Variants in PTPRD observed in about 807,000 individuals in gnomAD.
The protein encoded by PTPRD is receptor-type tyrosine-protein phosphatase delta.
PTPRD carries 34 observed loss-of-function variants against 214.5 expected under a neutral mutation model. The observed-to-expected ratio is 0.16, with a 90% CI of 0.12 to 0.21. The LOEUF is 0.21. Among genes scored for constraint, PTPRD ranks in the 10% least tolerant of loss-of-function variants. The pLI, the probability that PTPRD is intolerant of heterozygous loss-of-function variation, is 1.00. For missense variants in PTPRD, 2,545 were observed against 2,398.7 expected (o/e 1.06, Z -1.27); for synonymous variants, 1,128 against 845.7 (o/e 1.33, Z -5.79).
At chr9:9,213,332 A>T (rs762550718) in intron 9 of PTPRD, among the ~76,000 whole-genome samples, 5 of 152,152 alleles carry the variant, frequency 3.3e-5, no homozygotes, top group Non-Finnish European at 7.4e-5. Context: ...ACAACAGGAA[A>T]GGTTTTTCCA....
At chr9:9,584,571 G>C (rs1049787915) in intron 7 of PTPRD, among the ~76,000 whole-genome samples, 1 of 151,754 alleles carries the variant, frequency 6.6e-6, no homozygotes, top group Non-Finnish European at 1.5e-5. Flanking sequence ...GTGTATGAAC[G>C]TTATCCATGA....
intron 31 of PTPRD, among the ~76,000 whole-genome samples, chr9:8,467,569 G>C (rs1268643322): frequency 6.6e-6 from 1 of 151,602 alleles, no homozygotes; most frequent in Non-Finnish European, 1.5e-5. Flanking sequence ...CTCAATTACT[G>C]AAATAAAATG....
At chr9:8,849,429 T>A (rs981255002) in intron 11 of PTPRD, among the ~76,000 whole-genome samples, 1 of 152,110 alleles carries the variant, frequency 6.6e-6, no homozygotes, top group Non-Finnish European at 1.5e-5. Flanking sequence ...GGTTTCACCA[T>A]GTTAGCCAGA....
rs879881642 is a variant in PTPRD at position 10,418,498 on chromosome 9, C to CACAT, written c.-599-77482_-599-77481insATGT. ...ACACACACACACACACACACACACA[C>CACAT]TTCATATCCTTCCTTCTGCTGTAAT... On this transcript the variant is annotated intron_variant, in intron 2 of 45. Transcript: ENST00000381196. Among the ~76,000 whole-genome samples the CACAT allele has an allele frequency of 8.9e-3, 1,264 of 141,602 alleles. 32 individuals are homozygous for CACAT. Among genetic ancestry groups the CACAT allele is most frequent in the African/African-American group, 0.028 (1,051 of 38,044 alleles). The allele number at this position is 141,602 out of a possible 152,430, so 92.9% of individuals were successfully genotyped here.
At chr9:9,372,349 T>A (rs908640574) in intron 9 of PTPRD, among the ~76,000 whole-genome samples, 2 of 152,202 alleles carry the variant, frequency 1.3e-5, no homozygotes, top group African/African-American at 4.8e-5. Flanking sequence ...GTTGAATTGA[T>A]CCCTTTACAA....
chr9:10,043,889 T>C (rs1267061172), intron 3 of PTPRD, among the ~76,000 whole-genome samples: 1 of 151,832 alleles, frequency 6.6e-6, no homozygotes, highest in African/African-American at 2.4e-5. Context: ...CCAAAACAAG[T>C]ATTTTGATCA....
intron 6 of PTPRD, among the ~76,000 whole-genome samples, chr9:9,761,597 A>G (rs1326122117): frequency 2.0e-5 from 3 of 152,176 alleles, no homozygotes; most frequent in Non-Finnish European, 4.4e-5. Context: ...TCTCAATTTC[A>G]ATATGCTGGT....
At chr9:10,143,202 C>T (rs1422878601) in intron 3 of PTPRD, among the ~76,000 whole-genome samples, 16 of 151,808 alleles carry the variant, frequency 1.1e-4, no homozygotes, top group South Asian at 4.2e-4. Context: ...TGCAGCGCAC[C>T]GGCATGGCAC....
Position 9,346,097 on chromosome 9 carries a change from C to A in PTPRD, c.-203+51352G>T, listed in dbSNP as rs565240403. 7.1e-4 allele frequency among the ~76,000 whole-genome samples: 108 copies of A among 152,230 alleles called. 1 individual carries two copies. Among genetic ancestry groups the A allele is most frequent in the Middle Eastern group, 3.4e-3 (1 of 294 alleles). On this transcript the variant is annotated intron_variant, in intron 9 of 45. Coordinates refer to ENST00000381196, the MANE Select transcript of PTPRD (RefSeq NM_002839.4). The stretch of plus-strand genomic sequence containing the variant: ...CACGTAGTGCTGTGGAAGTCTCTCA[C>A]ACCCCAGAGCATAAATAGAAGACAA...
intron 5 of PTPRD, among the ~76,000 whole-genome samples, chr9:9,837,336 C>A (rs1402602165): frequency 1.3e-5 from 2 of 152,112 alleles, no homozygotes; most frequent in Non-Finnish European, 2.9e-5. Context: ...CAATATCTAA[C>A]ACAGGAGCAG....
chr9:8,713,462 T>A, intron 12 of PTPRD: 1 of 1,119,458 alleles, frequency 8.9e-7, no homozygotes. Context: ...GTATCTCAGT[T>A]AAAGAAAATG....
At chr9:9,487,543 C>T (rs2147451417) in intron 8 of PTPRD, among the ~76,000 whole-genome samples, 1 of 144,632 alleles carries the variant, frequency 6.9e-6, no homozygotes, top group East Asian at 2.1e-4. Context: ...GTCTTTATAG[C>T]AGCATGATTC....
chr9:8,529,301 T>C (rs1450632973), intron 14 of PTPRD, among the ~76,000 whole-genome samples: 1 of 152,058 alleles, frequency 6.6e-6, no homozygotes, highest in Non-Finnish European at 1.5e-5. Context: ...CGCTATCTGT[T>C]TCAAAGCTGG....
chr9:9,299,095 G>C (rs1045619679), intron 9 of PTPRD, among the ~76,000 whole-genome samples: 1 of 151,706 alleles, frequency 6.6e-6, no homozygotes, highest in Admixed American at 6.6e-5. Context: ...ATTATGGATG[G>C]TAAGAAAAAC....
chr9:8,374,933 C>T (rs887516727), intron 39 of PTPRD, among the ~76,000 whole-genome samples: 8 of 151,776 alleles, frequency 5.3e-5, no homozygotes, highest in African/African-American at 1.9e-4. Flanking sequence ...CTAGGGTCTA[C>T]TGTATTATAT....
intron 3 of PTPRD, among the ~76,000 whole-genome samples, chr9:10,305,383 C>CAAAAAAAAAA (rs532681794): frequency 1.3e-5 from 1 of 75,880 alleles, no homozygotes; most frequent in African/African-American, 4.1e-5. Context: ...AAAGCAATGG[C>CAAAAAAAAAA]AAAAAAAAAA....
Position 10,106,659 on chromosome 9 carries a change from A to G in PTPRD, c.-544-72869T>C, listed in dbSNP as rs1029660175. Among the ~76,000 whole-genome samples, 3 of 151,926 alleles carry G rather than the reference A, an allele frequency of 2.0e-5. 1 individual carries two copies. The highest frequency in any genetic ancestry group is 4.4e-5 in the Non-Finnish European group (3 of 67,916). On this transcript the variant is annotated intron_variant, in intron 3 of 45. Transcript: ENST00000381196. ...ATAGAATCAACATCATCAGAAGAAT[A>G]GTGACAAGAAATGTTGAGATGTATT...
intron 5 of PTPRD, among the ~76,000 whole-genome samples, chr9:9,916,396 A>C (rs1410947550): frequency 1.3e-5 from 2 of 152,018 alleles, no homozygotes; most frequent in African/African-American, 4.8e-5. Context: ...GGGTATATAA[A>C]ACAACAAGAA....
rs970745686 is a variant in PTPRD, at chr9:10,523,701, G to C, written c.-600+88697C>G. On this transcript the variant is annotated intron_variant, in intron 2 of 45. Transcript: ENST00000381196. ...GAGAGAAAGCGGCTCTAATATGTTT[G>C]TTTACAGGTGAAATTTTACATAAAT... is the stretch of plus-strand genomic sequence containing the variant. Among the ~76,000 whole-genome samples, 62 of 145,502 alleles carry C rather than the reference G, an allele frequency of 4.3e-4. 1 individual carries two copies. Among genetic ancestry groups the C allele is most frequent in the Non-Finnish European group, 3.0e-5 (2 of 66,308 alleles).
Sources: gnomAD v4.1 joint callset for allele counts (sites outside exome capture counted in the v4.1 genomes callset) on GRCh38, gnomAD v4.1.1 for gene constraint, MANE v1.5 for transcripts, NCBI Gene and HGNC (gene_info 2026-07-23, HGNC 2026-07-21) for gene names.